NBEAL1: variants seen among roughly 807,000 people sequenced by gnomAD.
The protein encoded by NBEAL1 is neurobeachin like 1, also known as neurobeachin-like protein 1.
In NBEAL1, 273 loss-of-function variants were observed where a neutral mutation model predicts 351.3. The observed-to-expected ratio is 0.78, with a 90% CI of 0.70 to 0.86. NBEAL1 has a LOEUF of 0.86. Ranked by LOEUF, NBEAL1 falls within the 40% of genes least tolerant of loss-of-function variation. The pLI is 0.00. For missense variants in NBEAL1, 2,961 were observed against 3,201.3 expected (o/e 0.92, Z 1.81); for synonymous variants, 1,050 against 1,086.4 (o/e 0.97, Z 0.66).
Position 203,136,057 on chromosome 2 carries a change from A to T in NBEAL1, c.4194A>T (p.Ser1398=). The T allele has an allele frequency of 6.2e-7, 1 of 1,613,784 alleles. No homozygotes were observed. The highest frequency in any genetic ancestry group is 8.5e-7 in the Non-Finnish European group (1 of 1,179,936). ...NQEEFWHSNP[S]HLSLDLSGID... ...AGGAATTCTGGCATAGTAACCCTTC[A>T]CATTTGAGTTTAGACCTCAGTGGAA... is the stretch of plus-strand genomic sequence containing the variant. Residue 1398 remains serine (S), a synonymous_variant, in exon 28 of 56, where the codon TCA becomes TCT. Coordinates refer to ENST00000683969, the MANE Select transcript of NBEAL1 (RefSeq NM_001378026.1).
intron 44 of NBEAL1, among the ~76,000 whole-genome samples, chr2:203,184,094 A>G (rs1215437611): frequency 6.7e-6 from 1 of 150,228 alleles, no homozygotes; most frequent in East Asian, 2.0e-4. Context: ...AAAAAAAAAA[A>G]AAAAAGAAAC....
At chr2:203,137,639 A>G (rs992673130) in intron 29 of NBEAL1, among the ~76,000 whole-genome samples, 2 of 152,188 alleles carry the variant, frequency 1.3e-5, no homozygotes, top group Admixed American at 6.5e-5. Context: ...AATACTATGT[A>G]TATTAAAGAT....
intron 18 of NBEAL1, among the ~76,000 whole-genome samples, chr2:203,117,601 C>T (rs1340240157): frequency 1.3e-5 from 2 of 152,128 alleles, no homozygotes; most frequent in Non-Finnish European, 2.9e-5. Context: ...GTTCTTTTGT[C>T]TTTTTTTCCT....
chr2:203,148,891 C>G, intron 33 of NBEAL1, 100 bp from the exon 34 acceptor site: 5 of 1,058,238 alleles, frequency 4.7e-6, no homozygotes, highest in East Asian at 2.8e-5. Context: ...TCTCATAATG[C>G]AAGATTTTAT....
chr2:203,129,480 T>C (rs895599851), intron 24 of NBEAL1, among the ~76,000 whole-genome samples: 3 of 152,218 alleles, frequency 2.0e-5, no homozygotes, highest in Admixed American at 6.5e-5. Context: ...AAGCTTCTCA[T>C]TATTCCCATC....
rs571249712 is a variant in NBEAL1 at position 203,024,238 on chromosome 2, G to A, written c.51+7803G>A. Among the ~76,000 whole-genome samples, 141 of 151,794 alleles carry A rather than the reference G, an allele frequency of 9.3e-4. 2 individuals are homozygous for A. Among genetic ancestry groups the A allele is most frequent in the South Asian group, 4.8e-3 (23 of 4,794 alleles). ...GAAAAAAAGAAAAAAGTAGTCAGGG[G>A]TGTCAAATTCAACATGGCAGTCAAG... On this transcript the variant is annotated intron_variant, in intron 2 of 55. Transcript: ENST00000683969.
chr2:203,115,491 A>C (rs1410142523), intron 17 of NBEAL1, among the ~76,000 whole-genome samples: 1 of 152,130 alleles, frequency 6.6e-6, no homozygotes, highest in Non-Finnish European at 1.5e-5. Context: ...GACAGAGTGC[A>C]GTGGCGCAAT....
At chr2:203,021,405 G>A (rs1325315228) in intron 2 of NBEAL1, among the ~76,000 whole-genome samples, 1 of 150,334 alleles carries the variant, frequency 6.7e-6, no homozygotes, top group Non-Finnish European at 1.5e-5. Context: ...ACCAACCTGG[G>A]CAACATGGTG....
intron 46 of NBEAL1, 96 bp downstream of exon 46, chr2:203,190,485 A>T: frequency 1.2e-6 from 1 of 843,386 alleles, no homozygotes; most frequent in Non-Finnish European, 1.9e-6. Context: ...GTATATAGCC[A>T]GTTACTCTCA....
At chr2:203,088,673 AT>A (rs1469579804) in intron 10 of NBEAL1, among the ~76,000 whole-genome samples, 2 of 152,208 alleles carry the variant, frequency 1.3e-5, no homozygotes, top group African/African-American at 2.4e-5. Context: ...ATATATTCAT[AT>A]TCCCTTTCTT....
At chr2:203,140,758 C>T (rs1043167513) in intron 31 of NBEAL1, among the ~76,000 whole-genome samples, 1 of 152,034 alleles carries the variant, frequency 6.6e-6, no homozygotes, top group Admixed American at 6.6e-5. Flanking sequence ...TGAAACTGGC[C>T]AGGCGCAGTA....
chr2:203,201,658 A>C lies in NBEAL1; in HGVS notation c.7354A>C (p.Ile2452Leu). 1 of 1,611,210 alleles carries C rather than the reference A, an allele frequency of 6.2e-7. No individual in the cohort carries two copies. The highest frequency in any genetic ancestry group is 8.5e-7 in the Non-Finnish European group (1 of 1,178,298). Reference protein sequence around the residue: ...LFSAGYWDNSIQVMSLTKGKI... With the variant: ...LFSAGYWDNSLQVMSLTKGKI... ...CAGTGCTGGATACTGGGATAATAGC[A>C]TTCAAGTGATGTCACTTACAAAAGG... The change falls in exon 50 of 56, where the codon ATT becomes CTT. Residue 2452 changes from isoleucine to leucine, a missense_variant. Transcript: ENST00000683969.
chr2:203,145,678 A>G (rs1428255304), intron 33 of NBEAL1, among the ~76,000 whole-genome samples: 2 of 151,756 alleles, frequency 1.3e-5, no homozygotes, highest in Admixed American at 6.6e-5. Flanking sequence ...TGTGCCTGTA[A>G]TCCCAGCTAC....
chr2:203,184,074 T>TAAAAAAAAAAAAAAAAAAAA (rs1170251389), intron 44 of NBEAL1, among the ~76,000 whole-genome samples: 26 of 87,986 alleles, frequency 3.0e-4, no homozygotes, highest in South Asian at 8.2e-4. Context: ...CGAGACTGTC[T>TAAAAAAAAAAAAAAAAAAAA]AAAAAAAAAA....
In NBEAL1 at chr2:203,041,656, C is replaced by T. The variant is rs2061142888; in HGVS notation, c.52-109C>T. The T allele has an allele frequency of 1.3e-5, 9 of 703,964 alleles. No individual in the cohort carries two copies. The South Asian group carries it at 1.6e-4, about 13-fold the overall frequency. The allele number at this position is 703,964 out of a possible 1,614,324, so 43.6% of individuals were successfully genotyped here. A position where few individuals can be genotyped will look rare whatever the true frequency, so the allele number is the denominator to read the frequency against. Reference sequence around the variant, plus strand: ...AGCACATATGTACTCCTAAATATCACTTGGAGATTTCATAGTATTGATTCT... The same window carrying T: ...AGCACATATGTACTCCTAAATATCATTTGGAGATTTCATAGTATTGATTCT... On this transcript the variant is annotated intron_variant, in intron 2 of 55. Coordinates refer to ENST00000683969, the MANE Select transcript of NBEAL1 (RefSeq NM_001378026.1).
Position 203,016,170 on chromosome 2 carries a change from C to A in NBEAL1, c.-215C>A. 2.7e-6 allele frequency: 1 copy of A among 370,322 alleles called. No individual in the cohort carries two copies. Among genetic ancestry groups the A allele is most frequent in the South Asian group, 1.3e-4 (1 of 7,772 alleles). The allele number at this position is 370,322 out of a possible 1,614,324, so 22.9% of individuals were successfully genotyped here. ...CTCTTTCACAGATTTATTTAATTGC[C>A]CAACTACCACTGATGAAGATATATT... On this transcript the variant is annotated 5_prime_UTR_variant, in exon 2 of 56. Transcript: ENST00000683969.
chr2:203,027,906 A>G (rs886420500), intron 2 of NBEAL1, among the ~76,000 whole-genome samples: 3 of 151,534 alleles, frequency 2.0e-5, no homozygotes, highest in Admixed American at 6.6e-5. Context: ...TTTTTTTTAA[A>G]TGGAGTCTCG....
In NBEAL1 at chr2:203,132,084, G is replaced by A; in HGVS notation, c.3676G>A (p.Val1226Ile). The change falls in exon 26 of 56, where the codon GTT (valine) becomes ATT (isoleucine). Residue 1226 changes from valine to isoleucine, a missense_variant. By Grantham distance (29) the Val-to-Ile change is conservative. Coordinates refer to ENST00000683969, the MANE Select transcript of NBEAL1 (RefSeq NM_001378026.1). ...GLGLLLNEAL[V>I]NTSLIKNLTH... is the part of the protein sequence containing the mutation. ...GGGACTCCTTCTTAATGAAGCACTT[G>A]TTAATACTTCTCTTATTAAAAACCT... 4 of 1,547,632 alleles carry A rather than the reference G, an allele frequency of 2.6e-6. No homozygotes were observed. Among genetic ancestry groups the A allele is most frequent in the Non-Finnish European group, 3.5e-6 (4 of 1,142,580 alleles).
intron 36 of NBEAL1, among the ~76,000 whole-genome samples, chr2:203,162,237 T>G (rs1379664640): frequency 6.6e-6 from 1 of 151,806 alleles, no homozygotes; most frequent in Non-Finnish European, 1.5e-5. Context: ...TTGGCCAGGC[T>G]AATCTCAAAC....
Sources: gnomAD v4.1 joint callset for allele counts (sites outside exome capture counted in the v4.1 genomes callset) on GRCh38, gnomAD v4.1.1 for gene constraint, MANE v1.5 for transcripts, NCBI Gene and HGNC (gene_info 2026-07-23, HGNC 2026-07-21) for gene names.